Variants in GALK2 observed in about 807,000 individuals in gnomAD.
GALK2 encodes galactokinase 2.
Under a neutral mutation model 52.4 loss-of-function variants are expected in GALK2, and 36 were observed. The ratio of observed to expected loss-of-function variants is 0.69; its 90% CI spans 0.53 to 0.91. The LOEUF (loss-of-function observed/expected upper bound fraction) is 0.91, where lower values mean the gene tolerates loss of function less well. Ranked by LOEUF, GALK2 falls within the 40% of genes least tolerant of loss-of-function variation. The pLI is 0.00. For missense variants in GALK2, 579 were observed against 559.1 expected, an observed-to-expected ratio of 1.04 and a Z score of -0.36; for synonymous variants, 176 against 199.1, an observed-to-expected ratio of 0.88 and a Z score of 0.98.
intron 5 of GALK2, among the ~76,000 whole-genome samples, chr15:49,251,973 A>G (rs1023409016): frequency 2.6e-5 from 4 of 152,120 alleles, no homozygotes; most frequent in African/African-American, 4.8e-5. Context: ...ATATAAATAT[A>G]TGTATATATT....
intron 2 of GALK2, 99 bp downstream of exon 2, chr15:49,201,349 A>G (rs1334313950): frequency 7.8e-6 from 5 of 639,404 alleles, no homozygotes; most frequent in Non-Finnish European, 5.3e-6. Flanking sequence ...CCAAAATAGA[A>G]TATTTCACAT....
At chr15:49,210,153 T>C (rs2088703416) in intron 2 of GALK2, among the ~76,000 whole-genome samples, 2 of 152,092 alleles carry the variant, frequency 1.3e-5, no homozygotes, top group South Asian at 4.1e-4. Flanking sequence ...AATGATCCTT[T>C]GTATTTTGTG....
At chr15:49,335,411 C>A, downstream of GALK2, 2 of 1,574,580 alleles carry the variant, frequency 1.3e-6, no homozygotes, top group South Asian at 2.2e-5. Context: ...AGTATAGCAT[C>A]AACTTACATC....
chr15:49,367,301 G>A, intron 3 of GALK2: 1 of 672,834 alleles, frequency 1.5e-6, no homozygotes, highest in Non-Finnish European at 2.2e-6. Flanking sequence ...TACTACCAAA[G>A]TTTTAAGCAT....
At chr15:49,228,680 TATATATA>T (rs1336341747) in intron 3 of GALK2, among the ~76,000 whole-genome samples, 3 of 20,760 alleles carry the variant, frequency 1.4e-4, no homozygotes, top group African/African-American at 3.6e-4. Flanking sequence ...TATATATATA[TATATATA>T]TTTTTTTTTT....
At chr15:49,252,108 A>T (rs2091629071) in intron 5 of GALK2, among the ~76,000 whole-genome samples, 2 of 152,176 alleles carry the variant, frequency 1.3e-5, no homozygotes, top group Admixed American at 6.5e-5. Flanking sequence ...TCTCCTAAAA[A>T]TACAAAAAAT....
chr15:49,328,450 AAC>A lies in GALK2; in HGVS notation c.*296_*297del. The A allele has an allele frequency of 1.4e-6, 2 of 1,470,860 alleles. No homozygotes were observed. Among genetic ancestry groups the A allele is most frequent in the Non-Finnish European group, 1.8e-6 (2 of 1,111,728 alleles). The allele number at this position is 1,470,860 out of a possible 1,614,324, so 91.1% of individuals were successfully genotyped here. ...TGAAGATTTTAAAGATGAATGGTAA[AAC>A]ACACTCTTAATACTGATTACATGGA... On this transcript the variant is annotated 3_prime_UTR_variant, in exon 10 of 10. Coordinates refer to ENST00000560031, the MANE Select transcript of GALK2 (RefSeq NM_002044.4).
chr15:49,157,367 C>A (rs1368307986), intron 1 of GALK2, among the ~76,000 whole-genome samples: 1 of 152,142 alleles, frequency 6.6e-6, no homozygotes, highest in Middle Eastern at 3.4e-3. Flanking sequence ...AATAAAGAAT[C>A]AATAAAATCT....
intron 2 of GALK2, among the ~76,000 whole-genome samples, chr15:49,213,148 T>C (rs575679103): frequency 6.6e-6 from 1 of 152,348 alleles, no homozygotes; most frequent in Admixed American, 6.5e-5. Flanking sequence ...TTTAATAATA[T>C]TTGTTTTACA....
intron 9 of GALK2, among the ~76,000 whole-genome samples, chr15:49,323,210 T>G (rs2151092639): frequency 6.6e-6 from 1 of 152,212 alleles, no homozygotes; most frequent in Non-Finnish European, 1.5e-5. Flanking sequence ...GAGAAGGTGT[T>G]GGACATACTG....
intron 5 of GALK2, among the ~76,000 whole-genome samples, chr15:49,256,367 A>G (rs938296666): frequency 6.6e-6 from 1 of 152,200 alleles, no homozygotes; most frequent in Admixed American, 6.5e-5. Context: ...GAGCCCTGAC[A>G]TGGGCAGATA....
chr15:49,312,796 T>C (rs2036102162), intron 8 of GALK2, among the ~76,000 whole-genome samples: 1 of 152,194 alleles, frequency 6.6e-6, no homozygotes, highest in Non-Finnish European at 1.5e-5. Flanking sequence ...TGTTTACATA[T>C]GTCTGGGGAA....
chr15:49,207,846 C>A (rs963231461), intron 2 of GALK2, among the ~76,000 whole-genome samples: 4 of 152,116 alleles, frequency 2.6e-5, no homozygotes, highest in African/African-American at 9.7e-5. Context: ...GGTGTGATCT[C>A]AGCTCACTGC....
At chr15:49,350,997 A>G (rs1212084785) in intron 3 of GALK2, among the ~76,000 whole-genome samples, 3 of 152,204 alleles carry the variant, frequency 2.0e-5, no homozygotes, top group Non-Finnish European at 2.9e-5. Flanking sequence ...TATGCTACAC[A>G]GTTCTTAGAG....
At chr15:49,210,973 TCACACACACACACACACACA>T (rs3075099) in intron 2 of GALK2, among the ~76,000 whole-genome samples, 82 of 146,542 alleles carry the variant, frequency 5.6e-4, no homozygotes, top group Non-Finnish European at 9.5e-4. Flanking sequence ...ACACACACAC[TCACACACACACACACACACA>T]CACACACACA....
chr15:49,212,975 G>A (rs924228549), intron 2 of GALK2, among the ~76,000 whole-genome samples: 2 of 152,092 alleles, frequency 1.3e-5, no homozygotes, highest in Non-Finnish European at 2.9e-5. Flanking sequence ...GTATTCTGGG[G>A]CTGTTGGATG....
chr15:49,360,370 C>T (rs988461696), intron 3 of GALK2, among the ~76,000 whole-genome samples: 1 of 152,056 alleles, frequency 6.6e-6, no homozygotes, highest in Non-Finnish European at 1.5e-5. Flanking sequence ...ATGTTTAAAA[C>T]TCATGTTAGC....
chr15:49,180,905 G>C (rs73390384), intron 1 of GALK2, among the ~76,000 whole-genome samples: 28,393 of 151,998 alleles, frequency 0.19, 2,816 homozygotes, highest in Non-Finnish European at 0.21. Flanking sequence ...TCATAGCAGG[G>C]ACTAAATGAT....
In GALK2 at chr15:49,359,038, T is replaced by C. The variant is rs1217335898; in HGVS notation, c.427-8453T>C. ...GCTGGGAAAACTGGCTAGCCATATG[T>C]ATAAAGCTGAAACTCGATCCCTTCC... On this transcript the variant is annotated intron_variant, in intron 3 of 3. Coordinates refer to the GALK2 transcript ENST00000558399. Among the ~76,000 whole-genome samples, 11 of 152,206 alleles carry C rather than the reference T, an allele frequency of 7.2e-5. No homozygotes were observed. In the East Asian group the frequency reaches 1.2e-3, roughly 16 times the overall value.
Sources: allele counts gnomAD v4.1 joint callset (sites outside exome capture counted in the v4.1 genomes callset), GRCh38; gene constraint gnomAD v4.1.1; transcripts MANE v1.5; gene names NCBI Gene and HGNC (gene_info 2026-07-23, HGNC 2026-07-21).